ARL5A: variants seen among roughly 807,000 people sequenced by gnomAD.
The protein encoded by ARL5A is ARF like GTPase 5A.
Under a neutral mutation model 25.9 loss-of-function variants are expected in ARL5A, and 18 were observed. The ratio of observed to expected loss-of-function variants is 0.69; its 90% confidence interval spans 0.48 to 1.03. The LOEUF (loss-of-function observed/expected upper bound fraction) is 1.03. Ranked by LOEUF, ARL5A falls within the 50% of genes least tolerant of loss-of-function variation. ARL5A has a pLI of 0.00. For synonymous variants in ARL5A, 61 were observed against 67.5 expected, an observed-to-expected ratio of 0.90 and a Z score of 0.47; for missense variants, 170 against 211.9, an observed-to-expected ratio of 0.80 and a Z score of 1.23.
At chr2:151,817,326 G>T (rs939334208) in intron 1 of ARL5A, among the ~76,000 whole-genome samples, 1 of 152,148 alleles carries the variant, frequency 6.6e-6, no homozygotes, top group Non-Finnish European at 1.5e-5. Flanking sequence ...CAACTGTATA[G>T]AATACATATT....
chr2:151,807,615 C>T (rs1198205263), intron 4 of ARL5A, among the ~76,000 whole-genome samples: 1 of 152,166 alleles, frequency 6.6e-6, no homozygotes, highest in Non-Finnish European at 1.5e-5. Flanking sequence ...CAATGTATGC[C>T]TTAAAACCTT....
At position 151,814,325 on chromosome 2, in the gene ARL5A, A is replaced by G. The variant is rs777480676; in HGVS notation, c.108-9T>C. On this transcript the variant is annotated splice_polypyrimidine_tract_variant and intron_variant, in intron 2 of 5. Coordinates refer to ENST00000295087, the MANE Select transcript of ARL5A (RefSeq NM_012097.4). ...CAACTTCATTCATAGAACTGGGGAA[A>G]AAAGTTTATATACATTACAATTAGC... is the stretch of plus-strand genomic sequence containing the variant. 1.3e-6 allele frequency: 2 copies of G among 1,519,184 alleles called. No homozygotes were observed. Among genetic ancestry groups the G allele is most frequent in the Non-Finnish European group, 1.8e-6 (2 of 1,137,554 alleles). 94.1% of individuals were successfully genotyped at this position (1,519,184 alleles called of 1,614,324 possible).
intron 1 of ARL5A, among the ~76,000 whole-genome samples, chr2:151,819,613 C>T (rs2099831989): frequency 2.0e-5 from 3 of 152,212 alleles, no homozygotes. Flanking sequence ...AAAACCTCAT[C>T]TGGCTTTAGT....
chr2:151,828,411 G>C lies in ARL5A; in HGVS notation c.-235C>G, dbSNP rs1418661261. The C allele has an allele frequency of 5.3e-6, 2 of 376,604 alleles. No homozygotes were observed. Among genetic ancestry groups the C allele is most frequent in the African/African-American group, 2.1e-5 (1 of 46,784 alleles). 23.3% of individuals were successfully genotyped at this position (376,604 alleles called of 1,614,324 possible). On this transcript the variant is annotated 5_prime_UTR_variant, in exon 1 of 6. Transcript: ENST00000295087. ...CGCCTGGCTCGCGGACATCGCCGCC[G>C]CGTTGTCTGCGACGAGCCTCGCGGG... is the stretch of plus-strand genomic sequence containing the variant.
intron 1 of ARL5A, among the ~76,000 whole-genome samples, chr2:151,817,666 G>A (rs1467315615): frequency 6.6e-6 from 1 of 152,190 alleles, no homozygotes; most frequent in Non-Finnish European, 1.5e-5. Flanking sequence ...TAAGTGACAT[G>A]ACCACCTGCC....
intron 1 of ARL5A, among the ~76,000 whole-genome samples, chr2:151,824,153 C>G (rs2151297867): frequency 6.6e-6 from 1 of 152,298 alleles, no homozygotes; most frequent in South Asian, 2.1e-4. Context: ...TGCAAAGATT[C>G]TGTTTTTCAC....
rs2099833304 is a variant in ARL5A at position 151,827,916 on chromosome 2, G to A, written c.46+215C>T. 8 of 557,766 alleles carry A rather than the reference G, an allele frequency of 1.4e-5. No homozygotes were observed. In the South Asian group the frequency reaches 1.8e-4, roughly 13 times the overall value. The allele number at this position is 557,766 out of a possible 1,614,324, so 34.6% of individuals were successfully genotyped here. ...TATTACGGAAAAGACTTCTTAGGAA[G>A]GTCTCCTAAGACAAAGGGCTGCGAG... On this transcript the variant is annotated intron_variant, in intron 1 of 5. Transcript: ENST00000295087.
In ARL5A at chr2:151,798,809, T is replaced by C. The variant is rs1452143526; in HGVS notation, c.*4467A>G. 2 of 135,568 alleles carry C rather than the reference T, an allele frequency of 1.5e-5. No individual in the cohort carries two copies. The highest frequency in any genetic ancestry group is 1.5e-5 in the Non-Finnish European group (1 of 64,726). The allele number at this position is 135,568 out of a possible 1,614,324, so 8.4% of individuals were successfully genotyped here. A position where few individuals can be genotyped will look rare whatever the true frequency, so the allele number is the denominator to read the frequency against. On this transcript the variant is annotated 3_prime_UTR_variant, in exon 6 of 6. Transcript: ENST00000295087. Reference sequence around the variant, plus strand: ...ACAAGCCATACGATACCATAGAAAATACATATAATTTATTAGATGGGCTTA... The same window carrying C: ...ACAAGCCATACGATACCATAGAAAACACATATAATTTATTAGATGGGCTTA...
intron 1 of ARL5A, among the ~76,000 whole-genome samples, chr2:151,819,042 C>T (rs1026205232): frequency 1.3e-5 from 2 of 151,872 alleles, no homozygotes; most frequent in African/African-American, 4.8e-5. Flanking sequence ...AGAGAAAATA[C>T]AACTACTTTG....
chr2:151,822,722 C>A (rs1559823631), intron 1 of ARL5A, among the ~76,000 whole-genome samples: 2 of 152,110 alleles, frequency 1.3e-5, no homozygotes, highest in African/African-American at 4.8e-5. Flanking sequence ...TATGATTTTT[C>A]TTTTAGACTA....
chr2:151,808,681 A>G (rs2099830425), intron 4 of ARL5A, among the ~76,000 whole-genome samples: 1 of 152,280 alleles, frequency 6.6e-6, no homozygotes, highest in South Asian at 2.1e-4. Flanking sequence ...GAGATAAAGT[A>G]TAACTTGTAT....
In ARL5A at chr2:151,800,913, A is replaced by G. The variant is rs1311706093; in HGVS notation, c.*2363T>C. Reference sequence around the variant, plus strand: ...CGAGATGTTTTCACTCAGAAGTGGCATATTAAAAACCCAAAAGCATCTCCC... The same window carrying G: ...CGAGATGTTTTCACTCAGAAGTGGCGTATTAAAAACCCAAAAGCATCTCCC... On this transcript the variant is annotated 3_prime_UTR_variant, in exon 6 of 6. Coordinates refer to ENST00000295087, the MANE Select transcript of ARL5A (RefSeq NM_012097.4). The G allele has an allele frequency of 6.6e-6, 1 of 152,618 alleles. No homozygotes were observed. The highest frequency in any genetic ancestry group is 1.5e-5 in the Non-Finnish European group (1 of 68,016). The allele number at this position is 152,618 out of a possible 1,614,324, so 9.5% of individuals were successfully genotyped here.
rs907033483 is a variant in ARL5A at position 151,802,721 on chromosome 2, T to C, written c.*555A>G. 6 of 152,980 alleles carry C rather than the reference T, an allele frequency of 3.9e-5. No individual in the cohort carries two copies. The highest frequency in any genetic ancestry group is 7.2e-5 in the African/African-American group (3 of 41,446). The allele number at this position is 152,980 out of a possible 1,614,324, so 9.5% of individuals were successfully genotyped here. ...AACACTAATGCCAATACTTATCTCA[T>C]TGTGGTTATAACGAAGGATATTATT... is the stretch of plus-strand genomic sequence containing the variant. On this transcript the variant is annotated 3_prime_UTR_variant, in exon 6 of 6. Transcript: ENST00000295087.
At position 151,803,287 on chromosome 2, in the gene ARL5A, T is replaced by G; in HGVS notation, c.529A>C (p.Lys177Gln). The change falls in exon 6 of 6, where the codon AAG becomes CAG. Residue 177 changes from lysine to glutamine, a missense_variant. Transcript: ENST00000295087. ...GAGGTCAGTAGAGATCATCTAATCT[T>G]AAGTCGTGACATCATCCATTCAAGT... is the stretch of plus-strand genomic sequence containing the variant. ...QGLEWMMSRL[K>Q]IR is the part of the protein sequence containing the mutation. 1 of 1,612,896 alleles carries G rather than the reference T, an allele frequency of 6.2e-7. No individual in the cohort carries two copies. Among genetic ancestry groups the G allele is most frequent in the Non-Finnish European group, 8.5e-7 (1 of 1,178,968 alleles).
chr2:151,815,299 G>A, intron 1 of ARL5A, 100 bp from the exon 2 acceptor site: 1 of 928,546 alleles, frequency 1.1e-6, no homozygotes, highest in Non-Finnish European at 1.7e-6. Flanking sequence ...TCTATCTATG[G>A]CATAATTCAG....
intron 4 of ARL5A, among the ~76,000 whole-genome samples, chr2:151,809,091 G>A (rs2099830489): frequency 6.6e-6 from 1 of 152,122 alleles, no homozygotes; most frequent in African/African-American, 2.4e-5. Context: ...TTATGTGGCT[G>A]AGTCAATAAG....
At chr2:151,828,077 C>T (rs2099833331) in intron 1 of ARL5A, 54 bp downstream of exon 1, 7 of 1,584,464 alleles carry the variant, frequency 4.4e-6, no homozygotes, top group African/African-American at 2.7e-5. Flanking sequence ...CCCACCTAGC[C>T]GGCCCGAGCT....
chr2:151,803,295 G>A lies in ARL5A; in HGVS notation c.521C>T (p.Ser174Leu). Residue 174 changes from serine (S) to leucine (L), a missense_variant, in exon 6 of 6, where the codon TCA (serine) becomes TTA (leucine). Coordinates refer to ENST00000295087, the MANE Select transcript of ARL5A (RefSeq NM_012097.4). ...GLCQGLEWMM[S>L]RLKIR Reference sequence around the variant, plus strand: ...TAGAGATCATCTAATCTTAAGTCGTGACATCATCCATTCAAGTCCTTGGCA... The same window carrying A: ...TAGAGATCATCTAATCTTAAGTCGTAACATCATCCATTCAAGTCCTTGGCA... The A allele has an allele frequency of 1.2e-6, 2 of 1,612,830 alleles. No individual in the cohort carries two copies. The highest frequency in any genetic ancestry group is 1.7e-6 in the Non-Finnish European group (2 of 1,178,996).
At chr2:151,819,445 C>A (rs555754208) in intron 1 of ARL5A, among the ~76,000 whole-genome samples, 1 of 152,136 alleles carries the variant, frequency 6.6e-6, no homozygotes, top group Admixed American at 6.5e-5. Flanking sequence ...TAAAAGGTAT[C>A]TAAAATGAGT....
Sources: allele counts gnomAD v4.1 joint callset (sites outside exome capture counted in the v4.1 genomes callset), GRCh38; gene constraint gnomAD v4.1.1; transcripts MANE v1.5; gene names NCBI Gene and HGNC (gene_info 2026-07-23, HGNC 2026-07-21).